CADPS: variants seen among roughly 807,000 people sequenced by gnomAD.
The protein encoded by CADPS is calcium dependent secretion activator.
A neutral mutation model predicts 167.3 loss-of-function variants in CADPS; 57 were observed. That is an observed-to-expected ratio of 0.34 (90% confidence interval 0.28 to 0.42). CADPS has a LOEUF of 0.42. Among genes scored for constraint, CADPS ranks in the 20% least tolerant of loss-of-function variants. CADPS has a pLI of 1.00. For synonymous variants in CADPS, 676 were observed against 635.3 expected (o/e 1.06, Z -0.96); for missense variants, 1,414 against 1,738.1 (o/e 0.81, Z 3.32).
rs541273146 is a variant in CADPS at position 62,809,847 on chromosome 3, TG to T, written c.442-43864del. ...CATACACATCAGAATATAAAGACACTGTAGGTGTTTATTTAATAGACTCTCA... is the reference window on the plus strand; with the variant it reads ...CATACACATCAGAATATAAAGACACTTAGGTGTTTATTTAATAGACTCTCA... On this transcript the variant is annotated intron_variant, in intron 1 of 29. Transcript: ENST00000383710. Among the ~76,000 whole-genome samples, 70 of 152,248 alleles carry T rather than the reference TG, an allele frequency of 4.6e-4. 1 individual carries two copies. The highest frequency in any genetic ancestry group is 1.6e-3 in the African/African-American group (65 of 41,548).
At chr3:62,671,687 G>A (rs1055245734) in intron 3 of CADPS, among the ~76,000 whole-genome samples, 29 of 152,120 alleles carry the variant, frequency 1.9e-4, no homozygotes, top group African/African-American at 6.3e-4. Context: ...AGAGATAAAA[G>A]GCAATCCTAA....
At chr3:62,443,855 C>CA (rs921623504) in intron 27 of CADPS, among the ~76,000 whole-genome samples, 1 of 152,180 alleles carries the variant, frequency 6.6e-6, no homozygotes, top group Admixed American at 6.5e-5. Context: ...TCTAATTTAG[C>CA]ATAATTAATC....
intron 28 of CADPS, among the ~76,000 whole-genome samples, chr3:62,414,711 C>T (rs1311989013): frequency 1.3e-5 from 2 of 152,344 alleles, no homozygotes; most frequent in African/African-American, 4.8e-5. Context: ...ATTCCCTTCT[C>T]ATCTCAGAGG....
intron 3 of CADPS, among the ~76,000 whole-genome samples, chr3:62,700,264 T>C (rs2081152650): frequency 6.6e-6 from 1 of 152,122 alleles, no homozygotes; most frequent in African/African-American, 2.4e-5. Context: ...CTTCTTAGTA[T>C]GGGCTGGACC....
chr3:62,462,015 G>A (rs2059406531), intron 26 of CADPS, among the ~76,000 whole-genome samples: 1 of 152,202 alleles, frequency 6.6e-6, no homozygotes, highest in Non-Finnish European at 1.5e-5. Flanking sequence ...GAGGACAGAG[G>A]AAAGCATTGT....
intron 13 of CADPS, 25 bp from the exon 14 acceptor site, chr3:62,518,275 G>C: frequency 6.5e-7 from 1 of 1,545,386 alleles, no homozygotes; most frequent in Non-Finnish European, 8.9e-7. Flanking sequence ...GTCATGAAAT[G>C]ACGGGAACCT....
chr3:62,403,265 G>A (rs142753578), intron 28 of CADPS, 80 bp from the exon 29 acceptor site: 5 of 900,106 alleles, frequency 5.6e-6, no homozygotes, highest in South Asian at 2.8e-5. Context: ...CAATGTTTGA[G>A]TACCCCACTC....
intron 3 of CADPS, among the ~76,000 whole-genome samples, chr3:62,740,071 T>C (rs905830017): frequency 6.6e-6 from 1 of 152,208 alleles, no homozygotes; most frequent in African/African-American, 2.4e-5. Context: ...GTGAACTGAT[T>C]GGGGTTCTGT....
At position 62,411,187 on chromosome 3, in the gene CADPS, T is replaced by G. The variant is rs374493495; in HGVS notation, c.3778-8002A>C. Reference sequence around the variant, plus strand: ...AAAAATGCCTGAGCAAGCAGGCAATTTGGTAACTGTTTGGTAACCAATCGG... The same window carrying G: ...AAAAATGCCTGAGCAAGCAGGCAATGTGGTAACTGTTTGGTAACCAATCGG... On this transcript the variant is annotated intron_variant, in intron 28 of 29. Transcript: ENST00000383710. Among the ~76,000 whole-genome samples the G allele has an allele frequency of 3.9e-5, 6 of 152,298 alleles. No homozygotes were observed. In the South Asian group the frequency reaches 6.2e-4, roughly 16 times the overall value.
intron 28 of CADPS, among the ~76,000 whole-genome samples, chr3:62,408,499 G>T (rs971360687): frequency 2.0e-5 from 3 of 152,194 alleles, no homozygotes; most frequent in Non-Finnish European, 4.4e-5. Flanking sequence ...TTAGGCTTGA[G>T]ACAGAAGATG....
Position 62,601,901 on chromosome 3 carries a change from G to GA in CADPS, c.1326-9154dup, listed in dbSNP as rs752816076. On this transcript the variant is annotated intron_variant, in intron 6 of 29. Transcript: ENST00000383710. The surrounding 1 kb of genome is among the most constrained non-coding windows in gnomAD (Gnocchi z 4.3). ...TATGCTTTTGGGAGAGTGGAGCTCA[G>GA]AAAAATCTATGGGTAAAACAACCTT... is the stretch of plus-strand genomic sequence containing the variant. 1.3e-5 allele frequency among the ~76,000 whole-genome samples: 2 copies of GA among 152,116 alleles called. No homozygotes were observed. The highest frequency in any genetic ancestry group is 2.9e-5 in the Non-Finnish European group (2 of 68,030).
intron 1 of CADPS, among the ~76,000 whole-genome samples, chr3:62,785,433 C>T (rs540131392): frequency 2.4e-4 from 36 of 152,196 alleles, no homozygotes; most frequent in Non-Finnish European, 4.7e-4. Context: ...ACACCTTGAG[C>T]CTTGCTTTGC....
Position 62,409,100 on chromosome 3 carries a change from T to C in CADPS, c.3778-5915A>G, listed in dbSNP as rs371469231. Among the ~76,000 whole-genome samples the C allele has an allele frequency of 2.6e-5, 4 of 152,238 alleles. No individual in the cohort carries two copies. In the East Asian group the frequency reaches 7.7e-4, roughly 29 times the overall value. On this transcript the variant is annotated intron_variant, in intron 28 of 29. Transcript: ENST00000383710. ...TAATCATTGACTTGAACTCAAGATG[T>C]TGATACTATTAACAGTCTTGCTTTG...
At chr3:62,660,360 G>A (rs1008254376) in intron 4 of CADPS, among the ~76,000 whole-genome samples, 1 of 152,130 alleles carries the variant, frequency 6.6e-6, no homozygotes, top group African/African-American at 2.4e-5. Flanking sequence ...CATTTTTACA[G>A]GAGAAGTAAA....
At position 62,425,486 on chromosome 3, in the gene CADPS, A is replaced by G. The variant is rs1575828163; in HGVS notation, c.3777+12618T>C. On this transcript the variant is annotated intron_variant, in intron 28 of 29. Coordinates refer to ENST00000383710, the MANE Select transcript of CADPS (RefSeq NM_003716.4). The stretch of plus-strand genomic sequence containing the variant: ...AACAGATGTCTAATCCCTACCTTAG[A>G]TCTACTGAATCAGAATATTTAATGT... Among the ~76,000 whole-genome samples, 3 of 152,330 alleles carry G rather than the reference A, an allele frequency of 2.0e-5. 1 individual carries two copies. Among genetic ancestry groups the G allele is most frequent in the Admixed American group, 2.0e-4 (3 of 15,300 alleles).
chr3:62,557,527 G>A lies in CADPS; in HGVS notation c.1645-14C>T, dbSNP rs560646772. 117 of 1,602,528 alleles carry A rather than the reference G, an allele frequency of 7.3e-5. 2 individuals are homozygous for A. In the South Asian group the frequency reaches 1.1e-3, roughly 15 times the overall value. On this transcript the variant is annotated splice_polypyrimidine_tract_variant and intron_variant, in intron 9 of 29. Coordinates refer to ENST00000383710, the MANE Select transcript of CADPS (RefSeq NM_003716.4). ...GTACTGACTGACCTGTTAAGGAAAA[G>A]CAGATTGTGAGGTTGACCCCTGGAG...
At chr3:62,665,883 C>T (rs758371212) in intron 3 of CADPS, among the ~76,000 whole-genome samples, 6 of 152,168 alleles carry the variant, frequency 3.9e-5, no homozygotes, top group Non-Finnish European at 7.4e-5. Context: ...ACGGAGACAA[C>T]GGATATAAAG....
At chr3:62,694,028 T>A (rs957192807) in intron 3 of CADPS, among the ~76,000 whole-genome samples, 1 of 152,028 alleles carries the variant, frequency 6.6e-6, no homozygotes, top group Admixed American at 6.6e-5. Flanking sequence ...AGCCTCTTTA[T>A]CTGGTCACCC....
At chr3:62,696,856 T>C (rs2080388226) in intron 3 of CADPS, among the ~76,000 whole-genome samples, 1 of 152,042 alleles carries the variant, frequency 6.6e-6, no homozygotes, top group Non-Finnish European at 1.5e-5. Flanking sequence ...TTCTGATCAA[T>C]AGCATATCTA....
Sources: gnomAD v4.1 joint callset for allele counts (sites outside exome capture counted in the v4.1 genomes callset) on GRCh38, gnomAD v4.1.1 for gene constraint, Gnocchi (gnomAD v3.1) non-coding constraint, MANE v1.5 for transcripts, NCBI Gene and HGNC (gene_info 2026-07-23, HGNC 2026-07-21) for gene names.